PDE5A: variants seen among roughly 807,000 people sequenced by gnomAD.
PDE5A encodes the protein cGMP-specific 3',5'-cyclic phosphodiesterase.
A neutral mutation model predicts 110.2 loss-of-function variants in PDE5A; 67 were observed. The observed-to-expected ratio is 0.61, with a 90% CI of 0.50 to 0.75. PDE5A has a LOEUF of 0.75. Ranked by LOEUF, PDE5A falls within the 30% of genes least tolerant of loss-of-function variation. PDE5A has a pLI of 0.00. For missense variants in PDE5A, 862 were observed against 1,045.1 expected, an observed-to-expected ratio of 0.82 and a Z score of 2.42; for synonymous variants, 328 against 351.2, an observed-to-expected ratio of 0.93 and a Z score of 0.74.
intron 2 of PDE5A, among the ~76,000 whole-genome samples, chr4:119,600,590 A>C (rs924086014): frequency 6.6e-5 from 10 of 152,200 alleles, no homozygotes; most frequent in African/African-American, 9.6e-5. Flanking sequence ...AAAATGCCCC[A>C]AAATTAATAA....
At position 119,593,432 on chromosome 4, in the gene PDE5A, T is replaced by C. The variant is rs372481949; in HGVS notation, c.831+3091A>G. ...TACAAACTACTGATACATCCAACAG[T>C]AGGGCTGAATCTCACACCCATTAGG... On this transcript the variant is annotated intron_variant, in intron 3 of 20. Coordinates refer to ENST00000354960, the MANE Select transcript of PDE5A (RefSeq NM_001083.4). 2.6e-5 allele frequency among the ~76,000 whole-genome samples: 4 copies of C among 152,314 alleles called. No individual in the cohort carries two copies. In the East Asian group the frequency reaches 7.7e-4, roughly 29 times the overall value.
intron 3 of PDE5A, among the ~76,000 whole-genome samples, chr4:119,588,489 T>C (rs1346530029): frequency 1.4e-5 from 2 of 145,996 alleles, no homozygotes; most frequent in Non-Finnish European, 3.0e-5. Flanking sequence ...CCTCTCCAAA[T>C]TGAAAAAAAT....
Position 119,607,131 on chromosome 4 carries a change from C to G in PDE5A, c.319G>C (p.Asp107His). Residue 107 changes from aspartate to histidine, a missense_variant, in exon 2 of 21, where the codon GAC (aspartate) becomes CAC (histidine). Transcript: ENST00000354960. ...PTRKISASEF[D>H]RPLRPIVVKD... is the part of the protein sequence containing the mutation. ...ACAACAATGGGTCTAAGAGGCCGGT[C>G]AAATTCAGAGGCAGAGATTTTCCTG... 6.2e-7 allele frequency: 1 copy of G among 1,614,158 alleles called. No individual in the cohort carries two copies. The highest frequency in any genetic ancestry group is 8.5e-7 in the Non-Finnish European group (1 of 1,180,036).
chr4:119,622,187 A>G (rs956907869), intron 1 of PDE5A, among the ~76,000 whole-genome samples: 2 of 143,210 alleles, frequency 1.4e-5, no homozygotes, highest in African/African-American at 2.6e-5. Flanking sequence ...AAAAAAAAAA[A>G]GAAAAGAAAA....
intron 11 of PDE5A, among the ~76,000 whole-genome samples, chr4:119,534,749 T>A (rs1456232446): frequency 6.6e-6 from 1 of 152,192 alleles, no homozygotes; most frequent in African/African-American, 2.4e-5. Context: ...CATCTTGACA[T>A]AAGGAACTTG....
At chr4:119,519,189 G>T in intron 13 of PDE5A, 50 bp from the exon 14 acceptor site, 7 of 1,324,108 alleles carry the variant, frequency 5.3e-6, no homozygotes, top group Non-Finnish European at 7.6e-6. Flanking sequence ...ATAATGTGGT[G>T]AAGGACATTA....
intron 1 of PDE5A, among the ~76,000 whole-genome samples, chr4:119,612,738 T>C (rs1265800495): frequency 6.6e-6 from 1 of 152,228 alleles, no homozygotes; most frequent in Non-Finnish European, 1.5e-5. Context: ...CACCAGAATC[T>C]GCTGGTGCCT....
intron 1 of PDE5A, among the ~76,000 whole-genome samples, chr4:119,625,770 A>C (rs1730324746): frequency 6.6e-6 from 1 of 152,212 alleles, no homozygotes; most frequent in African/African-American, 2.4e-5. Context: ...AAACGTATGC[A>C]ATAAGTTTTT....
intron 20 of PDE5A, among the ~76,000 whole-genome samples, chr4:119,499,083 A>G (rs1184837507): frequency 2.0e-5 from 3 of 152,188 alleles, no homozygotes; most frequent in Admixed American, 2.0e-4. Flanking sequence ...GCATCAGGGA[A>G]CTGCTTAGTT....
At chr4:119,618,856 A>G (rs2110562381) in intron 1 of PDE5A, among the ~76,000 whole-genome samples, 1 of 152,284 alleles carries the variant, frequency 6.6e-6, no homozygotes, top group Non-Finnish European at 1.5e-5. Context: ...GTTCTTATCC[A>G]TGGGTACTTA....
At chr4:119,532,660 T>C (rs927854517) in intron 11 of PDE5A, among the ~76,000 whole-genome samples, 4 of 152,126 alleles carry the variant, frequency 2.6e-5, no homozygotes, top group African/African-American at 9.7e-5. Flanking sequence ...AGCATGTGTT[T>C]GTAGAAAATA....
At chr4:119,599,549 C>G (rs11737395) in intron 2 of PDE5A, among the ~76,000 whole-genome samples, 41,103 of 150,388 alleles carry the variant, frequency 0.27, 5,622 homozygotes, top group East Asian at 0.38. Context: ...TGTAAAACAC[C>G]AAGTTCATTA....
At chr4:119,498,922 A>G (rs1725191095) in intron 20 of PDE5A, among the ~76,000 whole-genome samples, 184 bp from the exon 21 acceptor site, 1 of 152,190 alleles carries the variant, frequency 6.6e-6, no homozygotes, top group Non-Finnish European at 1.5e-5. Context: ...AACACTACAG[A>G]TAAGGAGTAC....
chr4:119,577,380 C>CA (rs1291731705), intron 3 of PDE5A, among the ~76,000 whole-genome samples: 6 of 151,874 alleles, frequency 4.0e-5, no homozygotes, highest in Admixed American at 2.0e-4. Flanking sequence ...AGAGACACCA[C>CA]AAAAAAAGAG....
chr4:119,586,299 A>T (rs1454681327), intron 3 of PDE5A, among the ~76,000 whole-genome samples: 2 of 152,240 alleles, frequency 1.3e-5, no homozygotes, highest in Admixed American at 1.3e-4. Flanking sequence ...TTTGATTTAC[A>T]TTCAGCCTGG....
intron 1 of PDE5A, among the ~76,000 whole-genome samples, chr4:119,623,360 A>G (rs1200494580): frequency 1.3e-5 from 2 of 152,230 alleles, no homozygotes; most frequent in Admixed American, 1.3e-4. Context: ...CAACTCATTG[A>G]TTTATTTAAT....
At chr4:119,540,537 T>C (rs1335401793) in intron 10 of PDE5A, among the ~76,000 whole-genome samples, 2 of 152,160 alleles carry the variant, frequency 1.3e-5, no homozygotes, top group Non-Finnish European at 2.9e-5. Context: ...GTTAGACTAA[T>C]ATTAACAAGT....
intron 7 of PDE5A, 118 bp downstream of exon 7, chr4:119,560,178 A>T: frequency 1.6e-6 from 1 of 616,372 alleles, no homozygotes; most frequent in Non-Finnish European, 2.8e-6. Context: ...GTGAGAAAAG[A>T]CAAGAGACAA....
chr4:119,576,658 T>C (rs1728361910), intron 3 of PDE5A, among the ~76,000 whole-genome samples: 1 of 151,632 alleles, frequency 6.6e-6, no homozygotes, highest in African/African-American at 2.4e-5. Flanking sequence ...AGACACAACA[T>C]ACCAGAATCT....
Sources: gnomAD v4.1 joint callset for allele counts (sites outside exome capture counted in the v4.1 genomes callset) on GRCh38, gnomAD v4.1.1 for gene constraint, MANE v1.5 for transcripts, NCBI Gene and HGNC (gene_info 2026-07-23, HGNC 2026-07-21) for gene names.